Variants in TMTC1 observed in about 807,000 individuals in gnomAD.
The protein encoded by TMTC1 is transmembrane O-mannosyltransferase targeting cadherins 1.
A neutral mutation model predicts 104.8 loss-of-function variants in TMTC1; 73 were observed. That is an observed-to-expected ratio of 0.70 (90% CI 0.58 to 0.85). The LOEUF (loss-of-function observed/expected upper bound fraction) is 0.85, where lower values mean the gene tolerates loss of function less well. TMTC1 is among the 40% of genes least tolerant of loss of function. TMTC1 has a pLI of 0.00. For synonymous variants in TMTC1, 434 were observed against 428.7 expected (o/e 1.01, Z -0.15); for missense variants, 1,035 against 1,096.1 (o/e 0.94, Z 0.79).
chr12:29,548,845 A>AATATAAAT (rs751924156), intron 10 of TMTC1, among the ~76,000 whole-genome samples: 1 of 142,690 alleles, frequency 7.0e-6, no homozygotes, highest in Non-Finnish European at 1.5e-5. Flanking sequence ...CACTTATCTA[A>AATATAAAT]AATATATAAT....
chr12:29,628,293 A>C (rs1457426923), intron 6 of TMTC1, among the ~76,000 whole-genome samples: 1 of 152,184 alleles, frequency 6.6e-6, no homozygotes, highest in Non-Finnish European at 1.5e-5. Flanking sequence ...TCAGCCATGA[A>C]AAGGAACAAC....
intron 5 of TMTC1, among the ~76,000 whole-genome samples, chr12:29,668,593 T>C (rs1018243975): frequency 1.3e-5 from 2 of 151,430 alleles, no homozygotes; most frequent in Admixed American, 1.3e-4. Flanking sequence ...CTCTAGTAGC[T>C]GGGATTACAG....
At chr12:29,588,972 GA>G (rs556627921) in intron 7 of TMTC1, among the ~76,000 whole-genome samples, 2 of 151,822 alleles carry the variant, frequency 1.3e-5, no homozygotes, top group African/African-American at 4.8e-5. Context: ...ATGCCAAAAG[GA>G]AAAAAAATTA....
At chr12:29,598,567 G>T (rs1946473361) in intron 7 of TMTC1, among the ~76,000 whole-genome samples, 1 of 152,126 alleles carries the variant, frequency 6.6e-6, no homozygotes, top group Non-Finnish European at 1.5e-5. Flanking sequence ...TCTCAAAAAA[G>T]TTCCGTTTCT....
chr12:29,740,433 GC>G (rs1942794490), intron 5 of TMTC1, among the ~76,000 whole-genome samples: 1 of 152,096 alleles, frequency 6.6e-6, no homozygotes, highest in East Asian at 1.9e-4. Flanking sequence ...TAGCCTCTCA[GC>G]CTACATCTTT....
At chr12:29,675,497 T>C (rs544138744) in intron 5 of TMTC1, among the ~76,000 whole-genome samples, 18 of 152,152 alleles carry the variant, frequency 1.2e-4, no homozygotes, top group African/African-American at 4.3e-4. Context: ...TCTAGTAAGC[T>C]GGTACAGTAC....
rs769207654 is a variant in TMTC1 at position 29,583,429 on chromosome 12, G to A, written c.1396C>T (p.Leu466=). 2 of 1,613,872 alleles carry A rather than the reference G, an allele frequency of 1.2e-6. No individual in the cohort carries two copies. The highest frequency in any genetic ancestry group is 3.3e-5 in the Admixed American group (2 of 59,992). The change falls in exon 8 of 18, where the codon CTG becomes TTG. Residue 466 remains leucine (L), a synonymous_variant. Coordinates refer to ENST00000539277, the MANE Select transcript of TMTC1 (RefSeq NM_001193451.2). ...WKTVKQNEIW[L]SRESLFRSGV... is the part of the protein sequence containing the mutation. ...TACCTGAATAGGGACTCTCTTGACA[G>A]CCAAATTTCATTCTGTTTCACAGTT...
intron 5 of TMTC1, among the ~76,000 whole-genome samples, chr12:29,743,328 C>G (rs1942874533): frequency 6.6e-6 from 1 of 152,092 alleles, no homozygotes; most frequent in Admixed American, 6.6e-5. Context: ...TGTAAGCCAC[C>G]TGTAAAATTT....
intron 6 of TMTC1, among the ~76,000 whole-genome samples, chr12:29,613,560 G>A (rs146159890): frequency 1.3e-3 from 194 of 152,328 alleles, no homozygotes; most frequent in African/African-American, 4.4e-3. Context: ...GGGACCTAGT[G>A]TGGAAGAGAG....
At chr12:29,676,705 A>C (rs1940738389) in intron 5 of TMTC1, among the ~76,000 whole-genome samples, 1 of 152,188 alleles carries the variant, frequency 6.6e-6, no homozygotes, top group South Asian at 2.1e-4. Context: ...TGCTAATTCC[A>C]CTAGGCAGGG....
chr12:29,598,313 T>G (rs557377680), intron 7 of TMTC1, among the ~76,000 whole-genome samples: 35 of 152,340 alleles, frequency 2.3e-4, no homozygotes, highest in Non-Finnish European at 3.7e-4. Flanking sequence ...ACAGAGGCTG[T>G]GTAACTTCAG....
intron 7 of TMTC1, among the ~76,000 whole-genome samples, chr12:29,588,978 A>C (rs1679846964): frequency 6.6e-6 from 1 of 152,220 alleles, no homozygotes; most frequent in Non-Finnish European, 1.5e-5. Flanking sequence ...AAAGGAAAAA[A>C]AATTAAGTTG....
chr12:29,643,729 T>TAA, intron 5 of TMTC1, among the ~76,000 whole-genome samples: 1 of 46,752 alleles, frequency 2.1e-5, no homozygotes, highest in African/African-American at 9.4e-5. Flanking sequence ...TATATAAATA[T>TAA]ATATTATAAT....
chr12:29,669,728 A>C (rs1403699427), intron 5 of TMTC1, among the ~76,000 whole-genome samples: 1 of 152,220 alleles, frequency 6.6e-6, no homozygotes, highest in Non-Finnish European at 1.5e-5. Flanking sequence ...ATATATAAAA[A>C]CTTGCTACTA....
At chr12:29,559,416 C>T (rs1349693371) in intron 9 of TMTC1, among the ~76,000 whole-genome samples, 1 of 152,354 alleles carries the variant, frequency 6.6e-6, no homozygotes, top group African/African-American at 2.4e-5. Context: ...TCAAAGGTCA[C>T]TGACTACAGA....
At chr12:29,559,676 T>C (rs1945332246) in intron 9 of TMTC1, among the ~76,000 whole-genome samples, 1 of 152,138 alleles carries the variant, frequency 6.6e-6, no homozygotes, top group Non-Finnish European at 1.5e-5. Context: ...CCCCAACTCC[T>C]CAAGGAAGGA....
intron 7 of TMTC1, among the ~76,000 whole-genome samples, chr12:29,592,760 G>A (rs573712013): frequency 6.6e-6 from 1 of 152,274 alleles, no homozygotes; most frequent in African/African-American, 2.4e-5. Flanking sequence ...AATAACAATT[G>A]TTTGTAGTGC....
chr12:29,635,192 C>CA (rs35368951), intron 5 of TMTC1, among the ~76,000 whole-genome samples: 21,714 of 141,906 alleles, frequency 0.15, 1,662 homozygotes, highest in Middle Eastern at 0.2. Flanking sequence ...CAAAAAATGC[C>CA]AAAAAAAAAA....
intron 5 of TMTC1, among the ~76,000 whole-genome samples, chr12:29,716,016 A>ATTATTATTC (rs1942069861): frequency 6.8e-6 from 1 of 146,170 alleles, no homozygotes; most frequent in African/African-American, 2.6e-5. Context: ...TATTATTATT[A>ATTATTATTC]TTATTATTAT....
Sources: allele counts gnomAD v4.1 joint callset (sites outside exome capture counted in the v4.1 genomes callset), GRCh38; gene constraint gnomAD v4.1.1; transcripts MANE v1.5; gene names NCBI Gene and HGNC (gene_info 2026-07-23, HGNC 2026-07-21).